SLC44A5: variants seen among roughly 807,000 people sequenced by gnomAD.
The protein encoded by SLC44A5 is choline transporter-like protein 5.
A neutral mutation model predicts 101.8 loss-of-function variants in SLC44A5; 57 were observed. The observed-to-expected ratio is 0.56, with a 90% CI of 0.45 to 0.70. The LOEUF (loss-of-function observed/expected upper bound fraction) is 0.70. Ranked by LOEUF, SLC44A5 falls within the 30% of genes least tolerant of loss-of-function variation. The pLI, the probability that SLC44A5 is intolerant of heterozygous loss-of-function variation, is 0.00. For missense variants in SLC44A5, 737 were observed against 853.1 expected, an observed-to-expected ratio of 0.86 and a Z score of 1.70; for synonymous variants, 281 against 290.9, an observed-to-expected ratio of 0.97 and a Z score of 0.35.
intron 1 of SLC44A5, among the ~76,000 whole-genome samples, chr1:75,605,692 T>C (rs1466097045): frequency 1.3e-5 from 2 of 152,036 alleles, no homozygotes; most frequent in Non-Finnish European, 2.9e-5. Context: ...GATTATACTA[T>C]GGGAATCCAC....
At chr1:75,552,565 G>A (rs1671995115) in intron 1 of SLC44A5, among the ~76,000 whole-genome samples, 1 of 151,074 alleles carries the variant, frequency 6.6e-6, no homozygotes, top group Non-Finnish European at 1.5e-5. Flanking sequence ...ATGAATGAAT[G>A]AATGTATCTA....
the SLC44A5 span, among the ~76,000 whole-genome samples, chr1:75,623,397 C>T: frequency 1.3e-5 from 2 of 152,020 alleles, no homozygotes; most frequent in African/African-American, 4.8e-5. Flanking sequence ...CTGAAAGGCC[C>T]AGGTAGGAAA....
chr1:75,353,610 C>T (rs149263219), intron 3 of SLC44A5, among the ~76,000 whole-genome samples: 1 of 152,316 alleles, frequency 6.6e-6, no homozygotes, highest in African/African-American at 2.4e-5. Flanking sequence ...TTTATTCACT[C>T]TCCACACAGG....
At chr1:75,225,923 A>G (rs902544876) in intron 13 of SLC44A5, among the ~76,000 whole-genome samples, 1 of 152,136 alleles carries the variant, frequency 6.6e-6, no homozygotes. Flanking sequence ...GGGGGTGGGC[A>G]CAGAACCCGT....
chr1:75,395,401 T>TA (rs911773503), intron 3 of SLC44A5, among the ~76,000 whole-genome samples: 6 of 152,154 alleles, frequency 3.9e-5, no homozygotes, highest in Non-Finnish European at 8.8e-5. Context: ...CCCCTGAGAT[T>TA]AAAAAATTAC....
At chr1:75,636,935 T>C in the SLC44A5 span, among the ~76,000 whole-genome samples, 1 of 151,998 alleles carries the variant, frequency 6.6e-6, no homozygotes, top group Non-Finnish European at 1.5e-5. Flanking sequence ...ATTTGAGCAG[T>C]AGAGAAAATG....
chr1:75,647,673 A>G, the SLC44A5 span, among the ~76,000 whole-genome samples: 1 of 152,208 alleles, frequency 6.6e-6, no homozygotes, highest in Non-Finnish European at 1.5e-5. Flanking sequence ...TATTTGAGAC[A>G]TGGAGTCAAA....
the SLC44A5 span, among the ~76,000 whole-genome samples, chr1:75,633,078 C>T: frequency 6.6e-6 from 1 of 152,130 alleles, no homozygotes; most frequent in South Asian, 2.1e-4. Flanking sequence ...CCCTAGTATT[C>T]AGCATGGTGT....
At chr1:75,304,537 G>T (rs936549371) in intron 4 of SLC44A5, among the ~76,000 whole-genome samples, 5 of 152,160 alleles carry the variant, frequency 3.3e-5, no homozygotes, top group Non-Finnish European at 5.9e-5. Context: ...ACGTTGTAGT[G>T]CCTTATCATT....
At chr1:75,676,140 A>G in the SLC44A5 span, among the ~76,000 whole-genome samples, 1,023 of 152,316 alleles carry the variant, frequency 6.7e-3, 16 homozygotes, top group Admixed American at 0.037. Flanking sequence ...CAGTGTGGCA[A>G]TTCCTCAAAG....
In SLC44A5 at chr1:75,225,669, A is replaced by C. The variant is rs74356602; in HGVS notation, c.985+2057T>G. 3.4e-3 allele frequency among the ~76,000 whole-genome samples: 511 copies of C among 152,336 alleles called. 3 individuals are homozygous for C. The highest frequency in any genetic ancestry group is 0.012 in the African/African-American group (495 of 41,576). ...CTGCCTACTTTCAGTGTTTGTGTTAATGAGTGTAATTTCACATATATGCTT... is the reference window on the plus strand; with the variant it reads ...CTGCCTACTTTCAGTGTTTGTGTTACTGAGTGTAATTTCACATATATGCTT... On this transcript the variant is annotated intron_variant, in intron 13 of 23. Transcript: ENST00000370859.
chr1:75,719,812 CCCTT>C, the SLC44A5 span, among the ~76,000 whole-genome samples: 4 of 152,106 alleles, frequency 2.6e-5, no homozygotes, highest in Admixed American at 6.5e-5. Flanking sequence ...CTGTCAATCT[CCCTT>C]GTTTGAAATC....
intron 2 of SLC44A5, among the ~76,000 whole-genome samples, chr1:75,479,274 C>G (rs1432828741): frequency 6.6e-6 from 1 of 152,186 alleles, no homozygotes; most frequent in Non-Finnish European, 1.5e-5. Context: ...AAACTTATAG[C>G]ACTAAATGCC....
chr1:75,516,953 G>A (rs1669872073), intron 2 of SLC44A5, among the ~76,000 whole-genome samples: 1 of 152,174 alleles, frequency 6.6e-6, no homozygotes, highest in South Asian at 2.1e-4. Context: ...AGAATTGCAT[G>A]TGGCTCTCTA....
chr1:75,628,158 A>G, the SLC44A5 span, among the ~76,000 whole-genome samples: 1 of 151,910 alleles, frequency 6.6e-6, no homozygotes, highest in Non-Finnish European at 1.5e-5. Context: ...TCTAATTACC[A>G]AATTCAAAAC....
chr1:75,518,165 A>C, intron 2 of SLC44A5, among the ~76,000 whole-genome samples: 1 of 152,232 alleles, frequency 6.6e-6, no homozygotes, highest in Middle Eastern at 3.2e-3. Flanking sequence ...AATGTCATTT[A>C]TGAGCAGTTT....
intron 3 of SLC44A5, among the ~76,000 whole-genome samples, chr1:75,371,164 G>C (rs1269362085): frequency 6.6e-6 from 1 of 152,040 alleles, no homozygotes; most frequent in East Asian, 1.9e-4. Context: ...TGTGTCAATG[G>C]GAAATTATAC....
At chr1:75,631,693 C>T in the SLC44A5 span, among the ~76,000 whole-genome samples, 2 of 151,814 alleles carry the variant, frequency 1.3e-5, no homozygotes, top group East Asian at 1.9e-4. Flanking sequence ...CACTCCACTG[C>T]GCCCAGCTAA....
chr1:75,480,489 C>T (rs1360252714), intron 2 of SLC44A5, among the ~76,000 whole-genome samples: 19 of 152,116 alleles, frequency 1.2e-4, no homozygotes, highest in Non-Finnish European at 1.5e-4. Flanking sequence ...GACATGATTG[C>T]ATATCTAGAA....
Sources: gnomAD v4.1 joint callset for allele counts (sites outside exome capture counted in the v4.1 genomes callset) on GRCh38, gnomAD v4.1.1 for gene constraint, MANE v1.5 for transcripts, NCBI Gene and HGNC (gene_info 2026-07-23, HGNC 2026-07-21) for gene names.